PDE4D: variants seen among roughly 807,000 people sequenced by gnomAD.
PDE4D encodes the protein phosphodiesterase 4D.
A neutral mutation model predicts 87.4 loss-of-function variants in PDE4D; 24 were observed. The observed-to-expected ratio is 0.27, with a 90% CI of 0.20 to 0.39. The LOEUF (loss-of-function observed/expected upper bound fraction) is 0.39. PDE4D is among the 10% of genes least tolerant of loss of function. The pLI is 1.00. For synonymous variants in PDE4D, 384 were observed against 383.2 expected (o/e 1.00, Z -0.02); for missense variants, 714 against 1,041.0 (o/e 0.69, Z 4.32).
rs1249800678 is a variant in PDE4D at position 59,471,393 on chromosome 5, C to CA, written c.456-255426dup. ...AATGAGAAGACTGTGAAGATTAAAT[C>CA]AAAAAAGCTAACAGTGCTGGTCAGG... On this transcript the variant is annotated intron_variant, in intron 1 of 14. Coordinates refer to ENST00000340635, the MANE Select transcript of PDE4D (RefSeq NM_001104631.2). Among the ~76,000 whole-genome samples, 10 of 152,258 alleles carry CA rather than the reference C, an allele frequency of 6.6e-5. No individual in the cohort carries two copies. The East Asian group carries it at 1.7e-3, about 26-fold the overall frequency.
At chr5:59,625,193 G>C (rs1252325619) in intron 1 of PDE4D, among the ~76,000 whole-genome samples, 1 of 152,194 alleles carries the variant, frequency 6.6e-6, no homozygotes, top group East Asian at 1.9e-4. Flanking sequence ...GGAAGTCAGA[G>C]AGATGAAGTG....
chr5:59,101,760 G>T (rs1434477128), intron 5 of PDE4D, among the ~76,000 whole-genome samples: 2 of 150,850 alleles, frequency 1.3e-5, no homozygotes, highest in African/African-American at 4.9e-5. Flanking sequence ...AGACAAAAAA[G>T]ATTCATTCCA....
intron 2 of PDE4D, among the ~76,000 whole-genome samples, chr5:59,209,484 C>A (rs1487732964): frequency 6.6e-6 from 1 of 152,144 alleles, no homozygotes; most frequent in African/African-American, 2.4e-5. Flanking sequence ...CCATGCCTAG[C>A]CTGATTTAGC....
chr5:60,303,015 G>T (rs1373568315), intron 1 of PDE4D, among the ~76,000 whole-genome samples: 3 of 151,924 alleles, frequency 2.0e-5, no homozygotes, highest in Admixed American at 2.0e-4. Context: ...TTTTAGTAGA[G>T]ACAGGGTTTA....
intron 3 of PDE4D, among the ~76,000 whole-genome samples, chr5:59,975,236 A>C (rs1310549813): frequency 6.6e-6 from 1 of 152,082 alleles, no homozygotes; most frequent in African/African-American, 2.4e-5. Flanking sequence ...GGTGACTTTG[A>C]TGTTGATGTG....
chr5:59,430,951 T>C (rs1275630165), intron 1 of PDE4D, among the ~76,000 whole-genome samples: 1 of 152,146 alleles, frequency 6.6e-6, no homozygotes, highest in African/African-American at 2.4e-5. Flanking sequence ...TATATGGAAA[T>C]GTTATGGGCG....
At chr5:59,779,459 A>T (rs1764396881) in intron 1 of PDE4D, among the ~76,000 whole-genome samples, 1 of 152,132 alleles carries the variant, frequency 6.6e-6, no homozygotes, top group Non-Finnish European at 1.5e-5. Flanking sequence ...TGAAATTTTT[A>T]TTTTTATTTA....
chr5:59,727,822 A>C (rs1371474731), intron 1 of PDE4D, among the ~76,000 whole-genome samples: 1 of 152,102 alleles, frequency 6.6e-6, no homozygotes, highest in Non-Finnish European at 1.5e-5. Flanking sequence ...CTCTCAATGC[A>C]TGCCATGTGT....
chr5:60,032,132 A>G (rs982170376), intron 2 of PDE4D, among the ~76,000 whole-genome samples: 2 of 152,198 alleles, frequency 1.3e-5, no homozygotes, highest in East Asian at 3.8e-4. Context: ...CTTCAAAAAT[A>G]GAAGAATTTA....
intron 1 of PDE4D, among the ~76,000 whole-genome samples, chr5:60,305,825 A>G (rs1754451093): frequency 6.6e-6 from 1 of 152,068 alleles, no homozygotes; most frequent in Admixed American, 6.5e-5. Flanking sequence ...GTGTGTATAC[A>G]CACACATACA....
At chr5:59,551,952 A>C (rs574939496) in intron 1 of PDE4D, among the ~76,000 whole-genome samples, 6 of 152,278 alleles carry the variant, frequency 3.9e-5, no homozygotes, top group African/African-American at 1.2e-4. Context: ...ACAGTGGTTC[A>C]CACCTATAAT....
chr5:59,615,033 T>C lies in PDE4D; in HGVS notation c.455+278135A>G, dbSNP rs556758154. ...TTTGTAGAGACAGGGTTTTGCCATG[T>C]TGCTCAGGCTGGTCTCAAACTCTTG... On this transcript the variant is annotated intron_variant, in intron 1 of 14. Coordinates refer to ENST00000340635, the MANE Select transcript of PDE4D (RefSeq NM_001104631.2). Among the ~76,000 whole-genome samples, 27 of 152,294 alleles carry C rather than the reference T, an allele frequency of 1.8e-4. 1 individual carries two copies. The South Asian group carries it at 5.6e-3, about 32-fold the overall frequency.
In PDE4D at chr5:59,875,513, A is replaced by T. The variant is rs1048462560; in HGVS notation, c.455+17655T>A. ...AAAGAAGGAATCTGTATCCTGCTTG[A>T]AAAAGGACAGAGTGAGAATTCCTCC... On this transcript the variant is annotated intron_variant, in intron 1 of 14. Transcript: ENST00000340635. 2.7e-5 allele frequency among the ~76,000 whole-genome samples: 4 copies of T among 147,726 alleles called. No individual in the cohort carries two copies. The Admixed American group carries it at 2.7e-4, about 10-fold the overall frequency.
intron 2 of PDE4D, among the ~76,000 whole-genome samples, chr5:60,048,433 G>A (rs1054861526): frequency 2.3e-4 from 35 of 151,788 alleles, no homozygotes; most frequent in African/African-American, 7.5e-4. Context: ...TATTTTGCTC[G>A]TTAATCGATG....
intron 1 of PDE4D, among the ~76,000 whole-genome samples, chr5:59,532,242 C>G (rs1016426616): frequency 6.6e-6 from 1 of 152,182 alleles, no homozygotes; most frequent in African/African-American, 2.4e-5. Flanking sequence ...TCAAGCCATT[C>G]TCCTGCCTCA....
At chr5:59,552,246 T>C (rs564817799) in intron 1 of PDE4D, among the ~76,000 whole-genome samples, 3 of 152,298 alleles carry the variant, frequency 2.0e-5, no homozygotes, top group Non-Finnish European at 4.4e-5. Context: ...TTTTTCATTA[T>C]AATATCTAAC....
intron 3 of PDE4D, among the ~76,000 whole-genome samples, chr5:59,954,526 A>C (rs1023513084): frequency 6.6e-6 from 1 of 152,216 alleles, no homozygotes; most frequent in African/African-American, 2.4e-5. Context: ...GAAGATTAAC[A>C]AGTCAGAAAT....
intron 1 of PDE4D, among the ~76,000 whole-genome samples, chr5:59,346,900 G>A (rs1779704467): frequency 6.6e-6 from 1 of 152,148 alleles, no homozygotes; most frequent in South Asian, 2.1e-4. Flanking sequence ...GCGATGAAAT[G>A]TTTTCATCTT....
intron 5 of PDE4D, among the ~76,000 whole-genome samples, chr5:59,172,375 A>G (rs1377149857): frequency 2.2e-5 from 3 of 135,372 alleles, no homozygotes; most frequent in Non-Finnish European, 4.6e-5. Context: ...TATATATAAT[A>G]TATATTTATA....
Sources: gnomAD v4.1 joint callset for allele counts (sites outside exome capture counted in the v4.1 genomes callset) on GRCh38, gnomAD v4.1.1 for gene constraint, MANE v1.5 for transcripts, NCBI Gene and HGNC (gene_info 2026-07-23, HGNC 2026-07-21) for gene names.